The following ARHGAP8 variants were observed in gnomAD, a reference collection of about 807,000 sequenced individuals.
The protein encoded by ARHGAP8 is rho GTPase-activating protein 8.
ARHGAP8 carries 62 observed loss-of-function variants against 46.1 expected under a neutral mutation model. The observed-to-expected ratio is 1.34, with a 90% CI of 1.10 to 1.66. The LOEUF is 1.66. ARHGAP8 is among the 40% of genes most tolerant of loss of function. ARHGAP8 has a pLI of 0.00. For synonymous variants in ARHGAP8, 375 were observed against 243.1 expected (o/e 1.54, Z -5.05); for missense variants, 923 against 568.4 (o/e 1.62, Z -6.34).
chr22:44,756,574 A>T (rs967430818), intron 1 of ARHGAP8, among the ~76,000 whole-genome samples: 1 of 93,960 alleles, frequency 1.1e-5, no homozygotes, highest in Non-Finnish European at 2.2e-5. Context: ...TGCTCACCCC[A>T]CACCCCGCCC....
At chr22:44,829,339 A>C (rs1308796586) in intron 7 of ARHGAP8, among the ~76,000 whole-genome samples, 1 of 152,050 alleles carries the variant, frequency 6.6e-6, no homozygotes, top group Non-Finnish European at 1.5e-5. Flanking sequence ...TAGCTCACAG[A>C]CTTCGAAAGC....
intron 7 of ARHGAP8, among the ~76,000 whole-genome samples, chr22:44,843,425 T>C (rs1931776701): frequency 1.3e-5 from 2 of 152,188 alleles, no homozygotes; most frequent in Non-Finnish European, 2.9e-5. Flanking sequence ...AGAAAATAAA[T>C]AGATTTTCTC....
At chr22:44,767,214 C>A (rs935165507) in intron 1 of ARHGAP8, among the ~76,000 whole-genome samples, 3 of 152,018 alleles carry the variant, frequency 2.0e-5, no homozygotes, top group Admixed American at 2.0e-4. Flanking sequence ...CTTCTCTGCT[C>A]CCTCCCTCCT....
intron 3 of ARHGAP8, among the ~76,000 whole-genome samples, chr22:44,807,945 G>A (rs1929048480): frequency 6.6e-6 from 1 of 152,198 alleles, no homozygotes. Context: ...GTCCACCTGG[G>A]TAGTCCAGGA....
At chr22:44,837,525 A>G (rs75837342) in intron 7 of ARHGAP8, among the ~76,000 whole-genome samples, 1,754 of 152,288 alleles carry the variant, frequency 0.012, 30 homozygotes, top group African/African-American at 0.039. Context: ...GCCCGTGCAC[A>G]TTGAGATGCA....
At chr22:44,852,511 G>A (rs2070122735) in intron 10 of ARHGAP8, among the ~76,000 whole-genome samples, 1 of 152,166 alleles carries the variant, frequency 6.6e-6, no homozygotes, top group South Asian at 2.1e-4. Context: ...ATTTGGGACA[G>A]TAGTGTTCCG....
chr22:44,824,863 C>T (rs890250305), intron 6 of ARHGAP8, among the ~76,000 whole-genome samples: 2 of 152,032 alleles, frequency 1.3e-5, no homozygotes, highest in East Asian at 3.9e-4. Flanking sequence ...AAACTCCTAA[C>T]CTCAAGTGAT....
At chr22:44,859,697 C>T (rs746580703) in intron 10 of ARHGAP8, 34 bp from the exon 11 acceptor site, 2 of 1,607,752 alleles carry the variant, frequency 1.2e-6, no homozygotes, top group Non-Finnish European at 8.5e-7. Context: ...CCTGGCCCCT[C>T]TGGAGCTCAG....
In ARHGAP8 at chr22:44,786,354, G is replaced by A. The variant is rs145584472; in HGVS notation, c.-71-103G>A. 94 of 1,445,690 alleles carry A rather than the reference G, an allele frequency of 6.5e-5. 2 individuals carry two copies. Among genetic ancestry groups the A allele is most frequent in the Non-Finnish European group, 8.0e-5 (86 of 1,075,128 alleles). The allele number at this position is 1,445,690 out of a possible 1,614,324, so 89.6% of individuals were successfully genotyped here. A position where few individuals can be genotyped will look rare whatever the true frequency, so the allele number is the denominator to read the frequency against. On this transcript the variant is annotated intron_variant, in intron 1 of 11. Coordinates refer to ENST00000356099, the MANE Select transcript of ARHGAP8 (RefSeq NM_181335.3). ...CTGAGGTAGGGCGCGTAGTGGGTGT[G>A]CAGCAGAGGTGGGTGACTGTCTTAT... is the stretch of plus-strand genomic sequence containing the variant.
intron 1 of ARHGAP8, chr22:44,786,184 C>T (rs1048126124): frequency 1.4e-5 from 8 of 556,688 alleles, no homozygotes; most frequent in Non-Finnish European, 2.6e-5. Context: ...GGGTGCTCGG[C>T]TGAGGTAGGG....
intron 2 of ARHGAP8, among the ~76,000 whole-genome samples, chr22:44,787,038 A>C (rs117552684): frequency 7.2e-4 from 31 of 42,904 alleles, no homozygotes; most frequent in African/African-American, 1.8e-3. Flanking sequence ...TCAAAAAAAC[A>C]AAAAAAAAAA....
intron 1 of ARHGAP8, among the ~76,000 whole-genome samples, chr22:44,772,358 T>TTC (rs1569137097): frequency 1.4e-5 from 2 of 146,406 alleles, no homozygotes; most frequent in African/African-American, 5.0e-5. Context: ...TTTTCTTTTT[T>TTC]TTTTTTTTTT....
At position 44,862,464 on chromosome 22, in the gene ARHGAP8, G is replaced by C. The variant is rs140567858; in HGVS notation, c.1171G>C (p.Gly391Arg). The C allele has an allele frequency of 1.2e-6, 2 of 1,613,820 alleles. No individual in the cohort carries two copies. The highest frequency in any genetic ancestry group is 1.7e-6 in the Non-Finnish European group (2 of 1,179,942). Residue 391 changes from glycine (G) to arginine (R), a missense_variant, in exon 12 of 12, where the codon GGC becomes CGC. Transcript: ENST00000356099. ...FSTPEAPGEH[G>R]LAPWEQGSRA... Reference sequence around the variant, plus strand: ...CACCCCGGAGGCACCTGGGGAGCACGGCCTGGCACCATGGGAACAGGGGAG... The same window carrying C: ...CACCCCGGAGGCACCTGGGGAGCACCGCCTGGCACCATGGGAACAGGGGAG...
intron 10 of ARHGAP8, among the ~76,000 whole-genome samples, chr22:44,852,705 G>A (rs2070127063): frequency 6.6e-6 from 1 of 152,190 alleles, no homozygotes; most frequent in African/African-American, 2.4e-5. Context: ...GACTACCTAA[G>A]TCAGCCTGTT....
chr22:44,811,701 C>T (rs146262143), intron 4 of ARHGAP8, among the ~76,000 whole-genome samples: 244 of 152,228 alleles, frequency 1.6e-3, no homozygotes, highest in African/African-American at 5.5e-3. Flanking sequence ...TAGAGGTATG[C>T]GAGTGGTGCT....
At chr22:44,830,197 T>C (rs945902398) in intron 7 of ARHGAP8, among the ~76,000 whole-genome samples, 3 of 151,924 alleles carry the variant, frequency 2.0e-5, no homozygotes, top group Non-Finnish European at 4.4e-5. Context: ...CTAAGTTTTG[T>C]ATTTTTAGTA....
At chr22:44,801,987 G>A (rs1393033045) in intron 2 of ARHGAP8, 90 bp from the exon 3 acceptor site, 2 of 1,518,524 alleles carry the variant, frequency 1.3e-6, no homozygotes, top group Non-Finnish European at 1.8e-6. Flanking sequence ...AGCTCGGGCT[G>A]GACTGGCCAA....
chr22:44,814,863 A>C, intron 5 of ARHGAP8, 105 bp downstream of exon 5: 1 of 1,364,358 alleles, frequency 7.3e-7, no homozygotes, highest in Non-Finnish European at 1.0e-6. Flanking sequence ...GCCCGTCTCC[A>C]GGGTGCCTGT....
At chr22:44,787,037 C>CA (rs57241720) in intron 2 of ARHGAP8, among the ~76,000 whole-genome samples, 41 of 119,146 alleles carry the variant, frequency 3.4e-4, no homozygotes, top group East Asian at 1.8e-3. Context: ...CTCAAAAAAA[C>CA]AAAAAAAAAA....
Sources: allele counts gnomAD v4.1 joint callset (sites outside exome capture counted in the v4.1 genomes callset), GRCh38; gene constraint gnomAD v4.1.1; transcripts MANE v1.5; gene names NCBI Gene and HGNC (gene_info 2026-07-23, HGNC 2026-07-21).